SPAG9: variants seen among roughly 807,000 people sequenced by gnomAD.
The protein encoded by SPAG9 is sperm associated antigen 9.
In SPAG9, 35 loss-of-function variants were observed where a neutral mutation model predicts 166.5. The ratio of observed to expected loss-of-function variants is 0.21; its 90% CI spans 0.16 to 0.28. The LOEUF (loss-of-function observed/expected upper bound fraction) is 0.28, where lower values mean the gene tolerates loss of function less well. Among genes scored for constraint, SPAG9 ranks in the 10% least tolerant of loss-of-function variants. SPAG9 has a pLI of 1.00. For missense variants in SPAG9, 1,235 were observed against 1,603.3 expected, an observed-to-expected ratio of 0.77 and a Z score of 3.92; for synonymous variants, 534 against 565.5, an observed-to-expected ratio of 0.94 and a Z score of 0.79.
intron 1 of SPAG9, among the ~76,000 whole-genome samples, chr17:51,104,857 T>G (rs1598189698): frequency 5.9e-5 from 8 of 135,084 alleles, no homozygotes; most frequent in Middle Eastern, 4.3e-3. Context: ...GGCGTGAACC[T>G]GGGAGGCGGA....
chr17:51,095,745 GATAT>G (rs903026168), intron 1 of SPAG9, among the ~76,000 whole-genome samples: 6 of 145,926 alleles, frequency 4.1e-5, no homozygotes, highest in Non-Finnish European at 7.5e-5. Flanking sequence ...TACATATAGT[GATAT>G]ATATATAGTG....
chr17:51,072,034 T>C lies in SPAG9; in HGVS notation c.424+7550A>G, dbSNP rs372049471. 3.3e-5 allele frequency among the ~76,000 whole-genome samples: 5 copies of C among 152,208 alleles called. No individual in the cohort carries two copies. In the East Asian group the frequency reaches 7.7e-4, roughly 23 times the overall value. ...CCCCTAAATAAATGTTTATTTTAAA[T>C]TAAATGTTGGGTTACATTTACTTTG... is the stretch of plus-strand genomic sequence containing the variant. On this transcript the variant is annotated intron_variant, in intron 2 of 29. Transcript: ENST00000262013.
intron 23 of SPAG9, 21 bp from the exon 24 acceptor site, chr17:50,985,011 T>A (rs1469916689): frequency 6.2e-7 from 1 of 1,610,496 alleles, no homozygotes; most frequent in Middle Eastern, 1.7e-4. Flanking sequence ...GAAAGGGGAG[T>A]TCAGAACTCT....
intron 21 of SPAG9, among the ~76,000 whole-genome samples, chr17:50,988,631 T>C (rs1052845383): frequency 7.9e-5 from 12 of 152,166 alleles, no homozygotes; most frequent in African/African-American, 2.9e-4. Flanking sequence ...TGGCCCACTG[T>C]AGCCTCCAGC....
intron 2 of SPAG9, among the ~76,000 whole-genome samples, chr17:51,069,572 A>G (rs1018259633): frequency 6.6e-6 from 1 of 152,142 alleles, no homozygotes; most frequent in African/African-American, 2.4e-5. Context: ...TTTAAGCCTT[A>G]TTTAATTCCT....
chr17:51,021,274 G>A lies in SPAG9; in HGVS notation c.875C>T (p.Thr292Ile). The change falls in exon 7 of 30, where the codon ACT becomes ATT. Residue 292 changes from threonine to isoleucine, a missense_variant. Thr to Ile is a moderately conservative substitution (Grantham distance 89). Transcript: ENST00000262013. ...TCCTTCGTTTTCTTCCTTTAAGGGA[G>A]TATCAGTAGGAATTGTTGCCACATC... Reference protein sequence around the residue: ...NSDVATIPTDTPLKEENEGFV... With the variant: ...NSDVATIPTDIPLKEENEGFV... 2 of 1,614,054 alleles carry A rather than the reference G, an allele frequency of 1.2e-6. No individual in the cohort carries two copies. Among genetic ancestry groups the A allele is most frequent in the Non-Finnish European group, 1.7e-6 (2 of 1,179,938 alleles).
chr17:51,006,686 T>C (rs2045233353), intron 10 of SPAG9, among the ~76,000 whole-genome samples: 2 of 152,200 alleles, frequency 1.3e-5, no homozygotes, highest in South Asian at 4.1e-4. Flanking sequence ...GACCTTATTA[T>C]AACTGCATTC....
intron 19 of SPAG9, 120 bp from the exon 20 acceptor site, chr17:50,990,788 A>G (rs1975478908): frequency 7.2e-6 from 5 of 690,364 alleles, no homozygotes; most frequent in Non-Finnish European, 9.8e-6. Context: ...GTAGTTGAAT[A>G]CAGGTAGCAT....
chr17:50,991,512 A>T (rs1975547004), intron 19 of SPAG9, among the ~76,000 whole-genome samples: 1 of 152,056 alleles, frequency 6.6e-6, no homozygotes, highest in Non-Finnish European at 1.5e-5. Context: ...CAGTAAAAAT[A>T]ATATATATAT....
At chr17:50,977,726 G>A (rs1170537487) in intron 26 of SPAG9, among the ~76,000 whole-genome samples, 2 of 151,998 alleles carry the variant, frequency 1.3e-5, no homozygotes, top group Non-Finnish European at 2.9e-5. Flanking sequence ...TCTACAAAAA[G>A]TACAAAAATT....
chr17:50,982,497 T>C, intron 25 of SPAG9, 27 bp downstream of exon 25: 5 of 1,586,982 alleles, frequency 3.2e-6, no homozygotes, highest in Non-Finnish European at 4.3e-6. Flanking sequence ...ATTCAATAAA[T>C]ACAGAAAACA....
At chr17:50,995,810 C>T (rs891142959) in intron 16 of SPAG9, 3 of 336,176 alleles carry the variant, frequency 8.9e-6, no homozygotes, top group Non-Finnish European at 1.6e-5. Context: ...ACTACAGGCA[C>T]AGGCCACCAC....
chr17:51,074,003 G>A (rs918183883), intron 2 of SPAG9, among the ~76,000 whole-genome samples: 3 of 152,168 alleles, frequency 2.0e-5, no homozygotes, highest in Non-Finnish European at 2.9e-5. Flanking sequence ...TTGGGAGGCC[G>A]AGGCAGGTGG....
rs1973219186 is a variant in SPAG9 at position 50,963,682 on chromosome 17, T to A, written c.*2590A>T. ...TTACATTCAGTCATACAAACATGGCTGAACAACAGCAAATGGGATCTGACT... is the reference window on the plus strand; with the variant it reads ...TTACATTCAGTCATACAAACATGGCAGAACAACAGCAAATGGGATCTGACT... On this transcript the variant is annotated 3_prime_UTR_variant, in exon 30 of 30. Coordinates refer to ENST00000262013, the MANE Select transcript of SPAG9 (RefSeq NM_001130528.3). 1 of 152,266 alleles carries A rather than the reference T, an allele frequency of 6.6e-6. No individual in the cohort carries two copies. Among genetic ancestry groups the A allele is most frequent in the Non-Finnish European group, 1.5e-5 (1 of 68,046 alleles). 9.4% of individuals were successfully genotyped at this position (152,266 alleles called of 1,614,324 possible).
Position 51,044,926 on chromosome 17 carries a change from G to A in SPAG9, c.590+2449C>T, listed in dbSNP as rs570844104. The stretch of plus-strand genomic sequence containing the variant: ...AGAACTTTAAAATTTTAATTATAAG[G>A]TATTTTAGCTGTAGCTAAAACAATT... On this transcript the variant is annotated intron_variant, in intron 4 of 29. Transcript: ENST00000262013. Among the ~76,000 whole-genome samples the A allele has an allele frequency of 4.1e-4, 63 of 152,110 alleles. 1 individual carries two copies. The highest frequency in any genetic ancestry group is 1.4e-3 in the African/African-American group (57 of 41,498).
chr17:51,017,758 G>A (rs1224632098), intron 8 of SPAG9, among the ~76,000 whole-genome samples: 1 of 152,094 alleles, frequency 6.6e-6, no homozygotes, highest in African/African-American at 2.4e-5. Flanking sequence ...ATTTTGCAAT[G>A]ATTTATCATA....
chr17:51,039,796 C>G (rs1043766599), intron 5 of SPAG9, among the ~76,000 whole-genome samples: 11 of 152,042 alleles, frequency 7.2e-5, no homozygotes, highest in Middle Eastern at 3.4e-3. Context: ...ATATGGGATA[C>G]TTTTTTTTGT....
At chr17:50,988,504 C>T (rs919463754) in intron 21 of SPAG9, among the ~76,000 whole-genome samples, 4 of 152,154 alleles carry the variant, frequency 2.6e-5, no homozygotes, top group Non-Finnish European at 4.4e-5. Flanking sequence ...CTAAATGGGC[C>T]TAGATTAACC....
intron 6 of SPAG9, among the ~76,000 whole-genome samples, chr17:51,024,574 G>A (rs1160999657): frequency 6.6e-6 from 1 of 151,884 alleles, no homozygotes; most frequent in Non-Finnish European, 1.5e-5. Flanking sequence ...TCAGCCGGGC[G>A]TGGCGGCACA....
Sources: gnomAD v4.1 joint callset for allele counts (sites outside exome capture counted in the v4.1 genomes callset) on GRCh38, gnomAD v4.1.1 for gene constraint, MANE v1.5 for transcripts, NCBI Gene and HGNC (gene_info 2026-07-23, HGNC 2026-07-21) for gene names.